The following COL9A3 variants were observed in gnomAD, a reference collection of about 807,000 sequenced individuals.
COL9A3 encodes the protein collagen type IX alpha 3 chain, also known as collagen alpha-3(IX) chain.
A neutral mutation model predicts 110.2 loss-of-function variants in COL9A3; 82 were observed. The observed-to-expected ratio is 0.74, with a 90% CI of 0.62 to 0.89. The LOEUF (loss-of-function observed/expected upper bound fraction) is 0.89. COL9A3 is among the 40% of genes least tolerant of loss of function. The pLI is 0.00. For missense variants in COL9A3, 1,066 were observed against 981.3 expected, an observed-to-expected ratio of 1.09 and a Z score of -1.15; for synonymous variants, 494 against 403.8, an observed-to-expected ratio of 1.22 and a Z score of -2.68.
chr20:62,829,691 T>C lies in COL9A3; in HGVS notation c.1107+10T>C. The C allele has an allele frequency of 6.2e-7, 1 of 1,606,762 alleles. No individual in the cohort carries two copies. The highest frequency in any genetic ancestry group is 1.7e-5 in the Admixed American group (1 of 59,012). ...AGAGCCAGGCGTCCCTGTGAGTATC[T>C]GCGGCGCCCCAGACCCCTCCCCATC... is the stretch of plus-strand genomic sequence containing the variant. On this transcript the variant is annotated intron_variant, in intron 21 of 31. Transcript: ENST00000649368.
intron 26 of COL9A3, among the ~76,000 whole-genome samples, 163 bp downstream of exon 26, chr20:62,833,227 T>G (rs956563769): frequency 3.3e-5 from 5 of 152,180 alleles, no homozygotes; most frequent in African/African-American, 1.2e-4. Flanking sequence ...GCAGAGGCCT[T>G]GGCCACTGGC....
At chr20:62,827,419 G>T (rs968826217) in intron 16 of COL9A3, 125 bp downstream of exon 16, 45 of 910,948 alleles carry the variant, frequency 4.9e-5, no homozygotes, top group Non-Finnish European at 7.5e-5. Context: ...GGGTGGGCCT[G>T]GGGGTGCGTG....
chr20:62,821,558 G>C, intron 7 of COL9A3, 28 bp downstream of exon 7: 1 of 1,612,766 alleles, frequency 6.2e-7, no homozygotes, highest in Non-Finnish European at 8.5e-7. Context: ...TTGGGGCCCT[G>C]AGCAAGCACG....
Position 62,824,454 on chromosome 20 carries a change from A to G in COL9A3, c.529A>G (p.Ile177Val), listed in dbSNP as rs1398782316. The change falls in exon 11 of 32, where the codon ATC becomes GTC. Residue 177 changes from isoleucine to valine, a missense_variant. Ile to Val is a conservative substitution (Grantham distance 29, BLOSUM62 3). Transcript: ENST00000649368. ...CTCTGTTTTCCGACAGTGCCCAAGT[A>G]TCTGCCCGCCAGGTCCCCCAGGGCC... Reference protein sequence around the residue: ...EGATDLQCPSICPPGPPGPPG... With the variant: ...EGATDLQCPSVCPPGPPGPPG... 1.9e-6 allele frequency: 3 copies of G among 1,602,174 alleles called. No individual in the cohort carries two copies. The highest frequency in any genetic ancestry group is 1.3e-5 in the African/African-American group (1 of 74,750).
At chr20:62,830,853 T>C (rs1457032119) in intron 24 of COL9A3, among the ~76,000 whole-genome samples, 3 of 124,070 alleles carry the variant, frequency 2.4e-5, no homozygotes, top group Non-Finnish European at 5.0e-5. Context: ...CAGTGGGAAA[T>C]CTGGCCATGG....
At position 62,817,515 on chromosome 20, in the gene COL9A3, G is replaced by C. The variant is rs1268950931; in HGVS notation, c.79-52G>C. ...CGGGACCCGGGAGGAGGGGACGCCG[G>C]GTCAGGCCCACGGGGGCACCTGCGC... On this transcript the variant is annotated intron_variant, in intron 1 of 31. Transcript: ENST00000649368. 21 of 1,319,362 alleles carry C rather than the reference G, an allele frequency of 1.6e-5. No individual in the cohort carries two copies. In the Middle Eastern group the frequency reaches 8.9e-4, roughly 56 times the overall value. The allele number at this position is 1,319,362 out of a possible 1,614,324, so 81.7% of individuals were successfully genotyped here. A position where few individuals can be genotyped will look rare whatever the true frequency, so the allele number is the denominator to read the frequency against.
chr20:62,833,941 G>GTA (rs1568762100), intron 26 of COL9A3, among the ~76,000 whole-genome samples: 15 of 151,844 alleles, frequency 9.9e-5, no homozygotes, highest in Admixed American at 5.3e-4. Context: ...GTGCAGTGAC[G>GTA]CCATCTCGGC....
chr20:62,824,615 G>T, intron 11 of COL9A3, 114 bp downstream of exon 11: 1 of 1,129,974 alleles, frequency 8.8e-7, no homozygotes, highest in Non-Finnish European at 1.3e-6. Context: ...TGGTTCCAGG[G>T]TTGCCCCAGG....
intron 22 of COL9A3, 63 bp downstream of exon 22, chr20:62,829,882 G>C: frequency 6.6e-7 from 1 of 1,524,768 alleles, no homozygotes; most frequent in Non-Finnish European, 8.8e-7. Flanking sequence ...CATGGCCCCA[G>C]TTTCTGAGCA....
intron 31 of COL9A3, 87 bp from the exon 32 acceptor site, chr20:62,840,455 G>T: frequency 8.0e-7 from 1 of 1,244,862 alleles, no homozygotes; most frequent in South Asian, 1.2e-5. Flanking sequence ...GCAGATGGAA[G>T]AGCAGGGCTT....
At chr20:62,836,408 G>C in intron 28 of COL9A3, 70 bp from the exon 29 acceptor site, 1 of 1,613,816 alleles carries the variant, frequency 6.2e-7, no homozygotes, top group Admixed American at 1.7e-5. Context: ...GTTACTTTGC[G>C]GGGTGACGGT....
intron 3 of COL9A3, among the ~76,000 whole-genome samples, chr20:62,818,837 C>T (rs1290560227): frequency 6.6e-6 from 1 of 152,222 alleles, no homozygotes; most frequent in Non-Finnish European, 1.5e-5. Context: ...GTCCCCCAGG[C>T]CTGAGGTCAC....
chr20:62,823,347 G>A (rs911313294), intron 10 of COL9A3, among the ~76,000 whole-genome samples: 4 of 152,194 alleles, frequency 2.6e-5, no homozygotes, highest in African/African-American at 9.7e-5. Context: ...AAAAAATGAA[G>A]AGGAAAGAAA....
intron 18 of COL9A3, 23 bp downstream of exon 18, chr20:62,828,840 G>T: frequency 6.2e-7 from 1 of 1,612,864 alleles, no homozygotes; most frequent in South Asian, 1.1e-5. Flanking sequence ...CTCAGGGTGT[G>T]ACGGGAGGGA....
intron 17 of COL9A3, among the ~76,000 whole-genome samples, chr20:62,828,258 G>A (rs1201152438): frequency 6.6e-6 from 1 of 152,210 alleles, no homozygotes; most frequent in Admixed American, 6.5e-5. Flanking sequence ...GCACTCCCAG[G>A]GTCCCGGGCA....
At chr20:62,820,459 G>T (rs1312593019) in intron 5 of COL9A3, among the ~76,000 whole-genome samples, 1 of 152,204 alleles carries the variant, frequency 6.6e-6, no homozygotes, top group South Asian at 2.1e-4. Context: ...TCTCTCTTTG[G>T]CTTCATAAGA....
At chr20:62,829,730 G>T in intron 21 of COL9A3, 36 bp from the exon 22 acceptor site, 2 of 1,596,644 alleles carry the variant, frequency 1.3e-6, no homozygotes, top group Non-Finnish European at 8.5e-7. Flanking sequence ...CCTGTGTGCA[G>T]ACCCTGCCCT....
At chr20:62,837,552 T>C (rs961256721) in intron 30 of COL9A3, among the ~76,000 whole-genome samples, 1 of 152,258 alleles carries the variant, frequency 6.6e-6, no homozygotes, top group Non-Finnish European at 1.5e-5. Flanking sequence ...CTCACGCCTG[T>C]AATCCCAACA....
At chr20:62,835,889 T>G in intron 26 of COL9A3, 32 bp from the exon 27 acceptor site, 1 of 1,613,994 alleles carries the variant, frequency 6.2e-7, no homozygotes, top group Non-Finnish European at 8.5e-7. Context: ...AACAATACAC[T>G]TAGTTCAAAC....
Sources: allele counts gnomAD v4.1 joint callset (sites outside exome capture counted in the v4.1 genomes callset), GRCh38; gene constraint gnomAD v4.1.1; transcripts MANE v1.5; gene names NCBI Gene and HGNC (gene_info 2026-07-23, HGNC 2026-07-21).